The following DISC1 variants were observed in gnomAD, a reference collection of about 807,000 sequenced individuals.
DISC1 encodes DISC1 scaffold protein.
Under a neutral mutation model 84.5 loss-of-function variants are expected in DISC1, and 57 were observed. The ratio of observed to expected loss-of-function variants is 0.67; its 90% CI spans 0.55 to 0.84. DISC1 has a LOEUF of 0.84. DISC1 is among the 40% of genes least tolerant of loss of function. DISC1 has a pLI of 0.00. For missense variants in DISC1, 1,000 were observed against 1,057.8 expected, an observed-to-expected ratio of 0.95 and a Z score of 0.76; for synonymous variants, 411 against 415.2, an observed-to-expected ratio of 0.99 and a Z score of 0.12.
At chr1:231,735,480 T>A (rs2812379) in intron 3 of DISC1, among the ~76,000 whole-genome samples, 147,299 of 152,332 alleles carry the variant, frequency 0.97, 71,399 homozygotes, top group East Asian at 1. Context: ...GCATGCAAAT[T>A]TGTATTTCCA....
chr1:231,713,828 G>GAT (rs1461190692), intron 3 of DISC1, among the ~76,000 whole-genome samples: 4 of 138,762 alleles, frequency 2.9e-5, no homozygotes, highest in African/African-American at 8.0e-5. Context: ...ATATAGGAGA[G>GAT]ATATATATAG....
rs2081854321 is a variant in DISC1, at chr1:231,826,226, A to G, written c.1981+7709A>G. On this transcript the variant is annotated intron_variant, in intron 9 of 12. Coordinates refer to ENST00000439617, the MANE Select transcript of DISC1 (RefSeq NM_018662.3). This position sits in a 1 kb window ranked among gnomAD's most constrained non-coding sequence, Gnocchi z 4.2. Reference sequence around the variant, plus strand: ...CCTGTCACAGAGCCTTCAGGGGGCAAGGCCACCATCTGAATCCCTCTTACC... The same window carrying G: ...CCTGTCACAGAGCCTTCAGGGGGCAGGGCCACCATCTGAATCCCTCTTACC... Among the ~76,000 whole-genome samples, 1 of 152,202 alleles carries G rather than the reference A, an allele frequency of 6.6e-6. No individual in the cohort carries two copies. The highest frequency in any genetic ancestry group is 2.4e-5 in the African/African-American group (1 of 41,452).
chr1:232,002,792 A>T (rs1194335690), intron 10 of DISC1, among the ~76,000 whole-genome samples: 1 of 152,196 alleles, frequency 6.6e-6, no homozygotes, highest in Non-Finnish European at 1.5e-5. Context: ...ATAAAAGAGA[A>T]CATGGAGATT....
At chr1:231,770,781 A>G in intron 5 of DISC1, 54 bp from the exon 6 acceptor site, 2 of 1,582,380 alleles carry the variant, frequency 1.3e-6, no homozygotes, top group Non-Finnish European at 1.7e-6. Context: ...TCCTCAGAGC[A>G]GTTTGCCATG....
intron 9 of DISC1, among the ~76,000 whole-genome samples, chr1:231,946,127 C>T (rs1257557935): frequency 6.6e-6 from 1 of 152,106 alleles, no homozygotes; most frequent in Non-Finnish European, 1.5e-5. Context: ...CAGCATCATC[C>T]TGATACCAAA....
intron 10 of DISC1, among the ~76,000 whole-genome samples, chr1:231,994,166 A>G (rs890640209): frequency 6.6e-6 from 1 of 152,226 alleles, no homozygotes; most frequent in African/African-American, 2.4e-5. Context: ...TTGCCTGGGC[A>G]TTTCTCTGCA....
chr1:231,912,045 A>T (rs1389587007), intron 9 of DISC1, among the ~76,000 whole-genome samples: 1 of 152,094 alleles, frequency 6.6e-6, no homozygotes, highest in Non-Finnish European at 1.5e-5. Flanking sequence ...GGTCTTTTCT[A>T]TGCTGTTTAT....
At chr1:231,780,252 G>A (rs2492368) in intron 6 of DISC1, among the ~76,000 whole-genome samples, 43,541 of 119,568 alleles carry the variant, frequency 0.36, 7,728 homozygotes, top group Middle Eastern at 0.44. Flanking sequence ...AAAAAAAAAA[G>A]AAAAGGAAAG....
intron 9 of DISC1, among the ~76,000 whole-genome samples, chr1:231,867,303 G>T (rs951997065): frequency 1.3e-5 from 2 of 152,192 alleles, no homozygotes; most frequent in African/African-American, 4.8e-5. Flanking sequence ...AAGATTTAAA[G>T]AAAGTAATTG....
chr1:231,649,954 G>A (rs756371830), intron 1 of DISC1, among the ~76,000 whole-genome samples: 2 of 152,100 alleles, frequency 1.3e-5, no homozygotes, highest in Non-Finnish European at 2.9e-5. Context: ...GCCTATGTGT[G>A]TCTCTGCACG....
At chr1:231,755,250 AGG>A (rs2075003356) in intron 4 of DISC1, among the ~76,000 whole-genome samples, 1 of 151,256 alleles carries the variant, frequency 6.6e-6, no homozygotes, top group African/African-American at 2.4e-5. Context: ...TCTATTGGCC[AGG>A]CTGGTCTCAA....
intron 8 of DISC1, among the ~76,000 whole-genome samples, chr1:231,810,719 G>T (rs59031280): frequency 0.015 from 2,265 of 152,296 alleles, 122 homozygotes; most frequent in East Asian, 0.13. Context: ...CATCCTGTGT[G>T]CTTGGTCAGG....
chr1:231,990,483 G>C (rs1347888887), intron 10 of DISC1, among the ~76,000 whole-genome samples: 1 of 152,072 alleles, frequency 6.6e-6, no homozygotes, highest in East Asian at 1.9e-4. Context: ...TGCTTGGATA[G>C]GAAACATATG....
rs560926594 is a variant in DISC1, at chr1:231,973,330, G to A, written c.2042+14442G>A. 7.0e-4 allele frequency among the ~76,000 whole-genome samples: 106 copies of A among 152,210 alleles called. 1 individual carries two copies. The highest frequency in any genetic ancestry group is 2.5e-3 in the African/African-American group (103 of 41,538). ...CAAAGTGCTGGGATTATAGGCGTGA[G>A]CCACCGCACCCGGCCGCCAATGTCT... On this transcript the variant is annotated intron_variant, in intron 10 of 12. Coordinates refer to ENST00000439617, the MANE Select transcript of DISC1 (RefSeq NM_018662.3).
At chr1:232,001,447 T>G (rs3121910) in intron 10 of DISC1, among the ~76,000 whole-genome samples, 43,834 of 152,040 alleles carry the variant, frequency 0.29, 6,592 homozygotes, top group African/African-American at 0.34. Context: ...CTTAAAGTAG[T>G]AAAATATTGG....
At chr1:231,831,962 C>A in intron 9 of DISC1, among the ~76,000 whole-genome samples, 1 of 151,292 alleles carries the variant, frequency 6.6e-6, no homozygotes, top group Admixed American at 6.6e-5. Flanking sequence ...CATCAATAAA[C>A]CAAATGTGAT....
In DISC1 at chr1:231,752,574, T is replaced by G. The variant is rs188231927; in HGVS notation, c.1268+2498T>G. On this transcript the variant is annotated intron_variant, in intron 4 of 12. Transcript: ENST00000439617. ...ATTACAATTTCACTTGAGATTTGGG[T>G]GGGGACACAGATCCAAACCATATCA... Among the ~76,000 whole-genome samples, 789 of 152,262 alleles carry G rather than the reference T, an allele frequency of 5.2e-3. 1 individual carries two copies. Among genetic ancestry groups the G allele is most frequent in the Non-Finnish European group, 8.5e-3 (579 of 68,016 alleles).
At chr1:231,910,122 A>C (rs2089068332) in intron 9 of DISC1, among the ~76,000 whole-genome samples, 1 of 152,126 alleles carries the variant, frequency 6.6e-6, no homozygotes, top group Non-Finnish European at 1.5e-5. Flanking sequence ...CTTTTCAAAA[A>C]ACCAGCTCTT....
chr1:231,767,343 C>T (rs2076241768), intron 5 of DISC1, 74 bp downstream of exon 5: 1 of 1,581,658 alleles, frequency 6.3e-7, no homozygotes, highest in Non-Finnish European at 8.6e-7. Context: ...TGCTCTGTTG[C>T]CTAGGTTGGA....
Sources: allele counts gnomAD v4.1 joint callset (sites outside exome capture counted in the v4.1 genomes callset), GRCh38; gene constraint gnomAD v4.1.1; non-coding constraint Gnocchi (gnomAD v3.1); transcripts MANE v1.5; gene names NCBI Gene and HGNC (gene_info 2026-07-23, HGNC 2026-07-21).